UBP1: variants seen among roughly 807,000 people sequenced by gnomAD.
UBP1 encodes upstream-binding protein 1.
A neutral mutation model predicts 76.1 loss-of-function variants in UBP1; 22 were observed. That is an observed-to-expected ratio of 0.29 (90% CI 0.21 to 0.41). The LOEUF is 0.41. Among genes scored for constraint, UBP1 ranks in the 10% least tolerant of loss-of-function variants. UBP1 has a pLI of 1.00. For synonymous variants in UBP1, 224 were observed against 237.1 expected, an observed-to-expected ratio of 0.94 and a Z score of 0.51; for missense variants, 436 against 668.1, an observed-to-expected ratio of 0.65 and a Z score of 3.83.
chr3:33,414,627 A>G (rs2044684112), intron 3 of UBP1, among the ~76,000 whole-genome samples: 1 of 152,172 alleles, frequency 6.6e-6, no homozygotes, highest in African/African-American at 2.4e-5. Flanking sequence ...AGCATATTTT[A>G]GGGATTCTCT....
intron 1 of UBP1, among the ~76,000 whole-genome samples, chr3:33,434,099 G>A (rs945004253): frequency 1.3e-5 from 2 of 152,044 alleles, no homozygotes; most frequent in African/African-American, 4.8e-5. Context: ...AAACCACCAA[G>A]TTTCAAACAG....
At chr3:33,424,539 A>G (rs2044978545) in intron 2 of UBP1, among the ~76,000 whole-genome samples, 1 of 152,236 alleles carries the variant, frequency 6.6e-6, no homozygotes, top group Non-Finnish European at 1.5e-5. Flanking sequence ...ATATTAGTCA[A>G]TTTTTGGCAT....
chr3:33,427,234 G>A (rs970969024), intron 1 of UBP1, among the ~76,000 whole-genome samples: 1 of 152,212 alleles, frequency 6.6e-6, no homozygotes, highest in Non-Finnish European at 1.5e-5. Context: ...CAAAGTGCTG[G>A]GATTATAGGC....
At chr3:33,416,698 A>T in intron 3 of UBP1, 60 bp downstream of exon 3, 8 of 1,295,828 alleles carry the variant, frequency 6.2e-6, no homozygotes, top group Non-Finnish European at 8.6e-6. Flanking sequence ...ATTTTTTTTT[A>T]AACAAAAACT....
intron 1 of UBP1, among the ~76,000 whole-genome samples, chr3:33,435,684 C>G (rs2045193067): frequency 6.6e-6 from 1 of 152,168 alleles, no homozygotes; most frequent in Non-Finnish European, 1.5e-5. Context: ...CATAGCTTAC[C>G]TAGCCTACCT....
chr3:33,425,537 A>G (rs2044995991), intron 2 of UBP1, 53 bp downstream of exon 2: 34 of 1,459,264 alleles, frequency 2.3e-5, no homozygotes, highest in South Asian at 3.1e-5. Flanking sequence ...CCAAAATATT[A>G]TTTTGTATTT....
intron 14 of UBP1, 195 bp from the exon 15 acceptor site, chr3:33,392,809 T>C: frequency 1.9e-6 from 1 of 532,178 alleles, no homozygotes; most frequent in Non-Finnish European, 3.2e-6. Flanking sequence ...CTGTCCATAA[T>C]GGTCCCTGAG....
At chr3:33,431,811 A>G (rs532909638) in intron 1 of UBP1, among the ~76,000 whole-genome samples, 3 of 152,056 alleles carry the variant, frequency 2.0e-5, no homozygotes, top group Non-Finnish European at 4.4e-5. Flanking sequence ...TCAGTTGAAA[A>G]TAGGCATGGC....
rs1460291806 is a variant in UBP1, at chr3:33,396,184, C to T, written c.1368G>A (p.Glu456=). The T allele has an allele frequency of 5.0e-6, 8 of 1,584,890 alleles. No homozygotes were observed. Among genetic ancestry groups the T allele is most frequent in the Non-Finnish European group, 6.9e-6 (8 of 1,156,918 alleles). Reference sequence around the variant, plus strand: ...TACCATAGGGTGCCCCACTGCCATTCTCGCTTGCACTGCTTGCAGCTTGCT... The same window carrying T: ...TACCATAGGGTGCCCCACTGCCATTTTCGCTTGCACTGCTTGCAGCTTGCT... ...GQQQAASSAS[E]NGSGAPYVYH... is the part of the protein sequence containing the mutation. Residue 456 remains glutamate (E), a synonymous_variant, in exon 13 of 16, where the codon GAG becomes GAA. Transcript: ENST00000283629.
At chr3:33,425,872 T>TTTTGA (rs1553679179) in intron 1 of UBP1, 131 bp from the exon 2 acceptor site, 1 of 744,230 alleles carries the variant, frequency 1.3e-6, no homozygotes, top group Non-Finnish European at 1.9e-6. Context: ...ATAGTTTTTT[T>TTTTGA]TTTAAGATCA....
chr3:33,415,702 T>C (rs2044710691), intron 3 of UBP1, among the ~76,000 whole-genome samples: 1 of 151,920 alleles, frequency 6.6e-6, no homozygotes, highest in African/African-American at 2.4e-5. Flanking sequence ...AATTTTATTA[T>C]GGAGTTCACA....
chr3:33,427,961 G>A (rs1047952080), intron 1 of UBP1, among the ~76,000 whole-genome samples: 5 of 152,134 alleles, frequency 3.3e-5, no homozygotes, highest in Non-Finnish European at 5.9e-5. Context: ...GAAGGCTGAG[G>A]TGGGTGATCA....
At chr3:33,406,746 T>C (rs2044438601) in intron 8 of UBP1, among the ~76,000 whole-genome samples, 1 of 152,228 alleles carries the variant, frequency 6.6e-6, no homozygotes, top group Non-Finnish European at 1.5e-5. Context: ...CTCATAGTTA[T>C]GGTTTCGGTA....
intron 1 of UBP1, among the ~76,000 whole-genome samples, chr3:33,438,417 T>A (rs1461565559): frequency 1.3e-5 from 2 of 151,924 alleles, no homozygotes; most frequent in Non-Finnish European, 2.9e-5. Context: ...ACTAGAGGAG[T>A]GCGTTTTCAC....
intron 13 of UBP1, among the ~76,000 whole-genome samples, chr3:33,394,639 A>T (rs1002216286): frequency 6.6e-6 from 1 of 152,190 alleles, no homozygotes; most frequent in African/African-American, 2.4e-5. Context: ...GACATGGATC[A>T]GGAATATCAT....
Position 33,408,938 on chromosome 3 carries a change from G to C in UBP1, c.820-141C>G, listed in dbSNP as rs920061098. The C allele has an allele frequency of 1.4e-5, 13 of 903,164 alleles. No homozygotes were observed. The Admixed American group carries it at 2.6e-4, about 18-fold the overall frequency. 55.9% of individuals were successfully genotyped at this position (903,164 alleles called of 1,614,324 possible). ...AAGTTAAAAAAAATGCAAAACCCCA[G>C]CAGTGACAAAAATTGGACTTTCTAG... On this transcript the variant is annotated intron_variant, in intron 7 of 15. Transcript: ENST00000283629.
chr3:33,439,247 T>C (rs929524852), intron 1 of UBP1, among the ~76,000 whole-genome samples: 1 of 152,226 alleles, frequency 6.6e-6, no homozygotes, highest in Non-Finnish European at 1.5e-5. Flanking sequence ...CCACCGCTGC[T>C]CTTTCAATTA....
intron 3 of UBP1, chr3:33,414,318 A>G (rs1486824074): frequency 1.3e-5 from 2 of 152,170 alleles, no homozygotes; most frequent in Non-Finnish European, 2.9e-5. Flanking sequence ...GGAACTTCTT[A>G]TATGAAACAG....
intron 9 of UBP1, among the ~76,000 whole-genome samples, chr3:33,402,368 A>T (rs1176758796): frequency 6.6e-6 from 1 of 152,238 alleles, no homozygotes; most frequent in African/African-American, 2.4e-5. Flanking sequence ...TAAAGATTTA[A>T]TTAAAAAAAT....
Sources: gnomAD v4.1 joint callset for allele counts (sites outside exome capture counted in the v4.1 genomes callset) on GRCh38, gnomAD v4.1.1 for gene constraint, MANE v1.5 for transcripts, NCBI Gene and HGNC (gene_info 2026-07-23, HGNC 2026-07-21) for gene names.